PTPRM: variants seen among roughly 807,000 people sequenced by gnomAD.
PTPRM encodes receptor-type tyrosine-protein phosphatase mu.
PTPRM carries 47 observed loss-of-function variants against 186.7 expected under a neutral mutation model. That is an observed-to-expected ratio of 0.25 (90% CI 0.20 to 0.32). The LOEUF (loss-of-function observed/expected upper bound fraction) is 0.32. Among genes scored for constraint, PTPRM ranks in the 10% least tolerant of loss-of-function variants. The pLI, the probability that PTPRM is intolerant of heterozygous loss-of-function variation, is 1.00. For missense variants in PTPRM, 1,494 were observed against 1,865.0 expected, an observed-to-expected ratio of 0.80 and a Z score of 3.66; for synonymous variants, 668 against 674.9, an observed-to-expected ratio of 0.99 and a Z score of 0.16.
chr18:8,116,570 A>C (rs986660645), intron 13 of PTPRM, among the ~76,000 whole-genome samples: 4 of 152,158 alleles, frequency 2.6e-5, no homozygotes, highest in African/African-American at 4.8e-5. Context: ...TAGTGTAAGC[A>C]TCAGACCTCC....
chr18:8,052,986 G>A (rs192170806), intron 7 of PTPRM, among the ~76,000 whole-genome samples: 1 of 152,108 alleles, frequency 6.6e-6, no homozygotes, highest in African/African-American at 2.4e-5. Flanking sequence ...TTCTTCAAAA[G>A]TCCTGTTCTT....
intron 14 of PTPRM, among the ~76,000 whole-genome samples, chr18:8,184,428 G>A (rs1297898610): frequency 2.7e-4 from 41 of 152,242 alleles, no homozygotes; most frequent in Admixed American, 6.5e-5. Context: ...TGAGAGTCTT[G>A]GATACCCTGT....
chr18:7,748,200 A>G (rs946809087), intron 1 of PTPRM, among the ~76,000 whole-genome samples: 3 of 152,236 alleles, frequency 2.0e-5, no homozygotes, highest in African/African-American at 7.2e-5. Flanking sequence ...GCCACTAGTC[A>G]TACAAGGCTA....
intron 23 of PTPRM, among the ~76,000 whole-genome samples, chr18:8,365,344 G>C (rs2095621996): frequency 6.6e-6 from 1 of 152,196 alleles, no homozygotes. Flanking sequence ...ATCGAGACCA[G>C]CCTGGCCCTT....
At chr18:7,604,782 A>C (rs930760424) in intron 1 of PTPRM, among the ~76,000 whole-genome samples, 1 of 152,236 alleles carries the variant, frequency 6.6e-6, no homozygotes, top group African/African-American at 2.4e-5. Context: ...ATACTTCCTC[A>C]GAAATACAGA....
intron 19 of PTPRM, among the ~76,000 whole-genome samples, chr18:8,283,882 A>C (rs2094929213): frequency 6.6e-6 from 1 of 152,038 alleles, no homozygotes. Flanking sequence ...TGTCTTCCCA[A>C]AGTGCTGGGA....
At chr18:7,598,618 G>C (rs1260391618) in intron 1 of PTPRM, among the ~76,000 whole-genome samples, 1 of 152,262 alleles carries the variant, frequency 6.6e-6, no homozygotes, top group Middle Eastern at 3.4e-3. Flanking sequence ...CAGCTTTGCT[G>C]TATTAATAGT....
chr18:8,128,966 G>T (rs1045023431), intron 13 of PTPRM, among the ~76,000 whole-genome samples: 1 of 152,028 alleles, frequency 6.6e-6, no homozygotes, highest in African/African-American at 2.4e-5. Flanking sequence ...GAGCTTTCTG[G>T]CTTGAATGGC....
At chr18:8,201,774 C>T (rs1338210428) in intron 14 of PTPRM, among the ~76,000 whole-genome samples, 1 of 152,130 alleles carries the variant, frequency 6.6e-6, no homozygotes, top group Admixed American at 6.5e-5. Context: ...TTCTAATTAC[C>T]TCCTAGATAC....
intron 1 of PTPRM, among the ~76,000 whole-genome samples, chr18:7,613,011 G>GC (rs1187194013): frequency 6.6e-6 from 1 of 152,082 alleles, no homozygotes; most frequent in Non-Finnish European, 1.5e-5. Context: ...AACAGAAATC[G>GC]CCCTCTTACC....
intron 2 of PTPRM, among the ~76,000 whole-genome samples, chr18:7,793,242 C>T (rs2043434737): frequency 1.3e-5 from 2 of 152,186 alleles, no homozygotes; most frequent in African/African-American, 4.8e-5. Flanking sequence ...ACCCTGACTT[C>T]ACCTCCTCAC....
At chr18:7,759,973 C>T (rs1014474627) in intron 1 of PTPRM, among the ~76,000 whole-genome samples, 4 of 152,092 alleles carry the variant, frequency 2.6e-5, no homozygotes, top group Admixed American at 6.5e-5. Flanking sequence ...GGAACAGTCA[C>T]CTAAAATGGG....
At chr18:8,357,228 C>T (rs534569686) in intron 23 of PTPRM, among the ~76,000 whole-genome samples, 2 of 152,298 alleles carry the variant, frequency 1.3e-5, no homozygotes, top group South Asian at 2.1e-4. Context: ...GGAATGTTGC[C>T]ATGTGATCAG....
intron 1 of PTPRM, among the ~76,000 whole-genome samples, chr18:7,685,874 G>A (rs2039590300): frequency 6.6e-6 from 1 of 152,088 alleles, no homozygotes; most frequent in Non-Finnish European, 1.5e-5. Context: ...TCACAAAAGG[G>A]CACCTGCATC....
intron 6 of PTPRM, among the ~76,000 whole-genome samples, chr18:7,952,005 T>A (rs2052991956): frequency 6.6e-6 from 1 of 152,208 alleles, no homozygotes; most frequent in African/African-American, 2.4e-5. Context: ...ACCATCACTC[T>A]CATCTTTATT....
chr18:7,960,337 T>C (rs936134132), intron 7 of PTPRM, among the ~76,000 whole-genome samples: 4 of 151,820 alleles, frequency 2.6e-5, no homozygotes, highest in African/African-American at 9.7e-5. Flanking sequence ...AGATGCATAT[T>C]GAGCATCCGT....
intron 7 of PTPRM, among the ~76,000 whole-genome samples, chr18:8,030,666 AT>A (rs1168938024): frequency 1.3e-5 from 2 of 151,720 alleles, no homozygotes; most frequent in African/African-American, 4.8e-5. Context: ...GATCCCTCAC[AT>A]GAGGTGTCTT....
intron 23 of PTPRM, among the ~76,000 whole-genome samples, chr18:8,347,027 G>A (rs1488667879): frequency 6.6e-6 from 1 of 152,132 alleles, no homozygotes; most frequent in Non-Finnish European, 1.5e-5. Flanking sequence ...TCCCCTGAGA[G>A]GTATAGTCCC....
Position 7,964,167 on chromosome 18 carries a change from G to T in PTPRM, c.1132+8753G>T, listed in dbSNP as rs560607511. ...TTATGTTAGCATTTATACTACACTG[G>T]GGTCCTATGCATAATCTGTATGTAC... On this transcript the variant is annotated intron_variant, in intron 7 of 32. Transcript: ENST00000580170. Among the ~76,000 whole-genome samples, 21 of 152,210 alleles carry T rather than the reference G, an allele frequency of 1.4e-4. No individual in the cohort carries two copies. The East Asian group carries it at 3.5e-3, about 25-fold the overall frequency.
Sources: allele counts gnomAD v4.1 joint callset (sites outside exome capture counted in the v4.1 genomes callset), GRCh38; gene constraint gnomAD v4.1.1; transcripts MANE v1.5; gene names NCBI Gene and HGNC (gene_info 2026-07-23, HGNC 2026-07-21).